The following TBX5 variants were observed in gnomAD, a reference collection of about 807,000 sequenced individuals.
TBX5 encodes T-box transcription factor TBX5.
In TBX5, 8 loss-of-function variants were observed where a neutral mutation model predicts 51.1. The observed-to-expected ratio is 0.16, with a 90% confidence interval of 0.09 to 0.28. The LOEUF (loss-of-function observed/expected upper bound fraction) is 0.28, where lower values mean the gene tolerates loss of function less well. Ranked by LOEUF, TBX5 falls within the 10% of genes least tolerant of loss-of-function variation. The probability of loss-of-function intolerance (pLI) is 1.00; values close to 1 mark genes in which losing one functional copy is unlikely to be tolerated. For missense variants in TBX5, 589 were observed against 671.7 expected (o/e 0.88, Z 1.36); for synonymous variants, 302 against 266.4 (o/e 1.13, Z -1.30).
In TBX5 at chr12:114,356,094, G is replaced by A. The variant is rs374446377; in HGVS notation, c.995C>T (p.Ser332Phe). The A allele has an allele frequency of 6.2e-7, 1 of 1,611,314 alleles. No individual in the cohort carries two copies. The highest frequency in any genetic ancestry group is 1.3e-5 in the African/African-American group (1 of 74,924). ...CTTCTTATAGGGATGGTCTGTGGTGGAACATTCTTCCTCTGTGAAGACAGG... is the reference window on the plus strand; with the variant it reads ...CTTCTTATAGGGATGGTCTGTGGTGAAACATTCTTCCTCTGTGAAGACAGG... ...HCTKRKEEEC[S>F]TTDHPYKKPY... is the part of the protein sequence containing the mutation. The change falls in exon 9 of 9, where the codon TCC (serine) becomes TTC (phenylalanine). Residue 332 changes from serine (S) to phenylalanine (F), a missense_variant. Ser to Phe is a radical substitution (Grantham distance 155). Coordinates refer to ENST00000405440, the MANE Select transcript of TBX5 (RefSeq NM_181486.4).
intron 6 of TBX5, among the ~76,000 whole-genome samples, chr12:114,386,390 T>A (rs967468762): frequency 3.3e-5 from 5 of 152,184 alleles, no homozygotes; most frequent in African/African-American, 1.2e-4. Context: ...CCAGAAGTAT[T>A]TCCTAAAAAT....
At chr12:114,370,076 G>A (rs547128822) in intron 7 of TBX5, among the ~76,000 whole-genome samples, 27 of 151,824 alleles carry the variant, frequency 1.8e-4, no homozygotes, top group Non-Finnish European at 3.1e-4. Context: ...TCAACATGAC[G>A]AAACCTTGTC....
At chr12:114,401,583 C>T (rs921874832) in intron 3 of TBX5, among the ~76,000 whole-genome samples, 17 of 152,132 alleles carry the variant, frequency 1.1e-4, no homozygotes, top group African/African-American at 3.9e-4. Flanking sequence ...GCCCAGTTTC[C>T]GGGCTTGAAC....
intron 2 of TBX5, among the ~76,000 whole-genome samples, chr12:114,403,108 C>T (rs1434113037): frequency 6.6e-6 from 1 of 152,252 alleles, no homozygotes; most frequent in African/African-American, 2.4e-5. Context: ...GAGGCTCCTC[C>T]CTCTGCCTGG....
intron 7 of TBX5, among the ~76,000 whole-genome samples, chr12:114,383,926 G>A (rs1269902659): frequency 6.6e-6 from 1 of 152,112 alleles, no homozygotes; most frequent in Non-Finnish European, 1.5e-5. Context: ...ACTTTGTGTG[G>A]CAATGACTAA....
rs556061631 is a variant in TBX5, at chr12:114,391,702, C to T, written c.663+3039G>A. Among the ~76,000 whole-genome samples the T allele has an allele frequency of 6.6e-5, 10 of 152,282 alleles. 1 individual carries two copies. Among genetic ancestry groups the T allele is most frequent in the Middle Eastern group, 6.8e-3 (2 of 294 alleles). ...CGATGGTGAGCTCAGCTGGCTTCTA[C>T]GCATGAAGTCAGAAGTCTCAACACC... On this transcript the variant is annotated intron_variant, in intron 6 of 8. Transcript: ENST00000405440.
chr12:114,394,293 TGACA>T (rs1361799781), intron 6 of TBX5, among the ~76,000 whole-genome samples: 2 of 152,064 alleles, frequency 1.3e-5, no homozygotes, highest in Non-Finnish European at 2.9e-5. Flanking sequence ...CCAGCCTGGG[TGACA>T]GACAGAGTGA....
At chr12:114,374,089 G>A (rs1870068555) in intron 7 of TBX5, among the ~76,000 whole-genome samples, 1 of 152,344 alleles carries the variant, frequency 6.6e-6, no homozygotes, top group East Asian at 1.9e-4. Flanking sequence ...GGACTTCCTG[G>A]TGACCTTCGC....
At chr12:114,405,056 G>T (rs1384505731) in intron 1 of TBX5, among the ~76,000 whole-genome samples, 1 of 152,208 alleles carries the variant, frequency 6.6e-6, no homozygotes, top group Non-Finnish European at 1.5e-5. Context: ...CCCCTAGAAC[G>T]GGAAGACTTT....
chr12:114,385,840 C>CTT lies in TBX5; in HGVS notation c.664-275_664-274dup, dbSNP rs35970834. 0.31 allele frequency among the ~76,000 whole-genome samples: 44,133 copies of CTT among 144,066 alleles called. 7,247 individuals are homozygous for CTT. Among genetic ancestry groups the CTT allele is most frequent in the Admixed American group, 0.39 (5,728 of 14,540 alleles). The allele number at this position is 144,066 out of a possible 152,430, so 94.5% of individuals were successfully genotyped here. A position where few individuals can be genotyped will look rare whatever the true frequency, so the allele number is the denominator to read the frequency against. The stretch of plus-strand genomic sequence containing the variant: ...TACTCTGCATCATTCCAGCTGGGTT[C>CTT]TTTTTTTTTTTTTTCCAATCTTGCA... On this transcript the variant is annotated intron_variant, in intron 6 of 8. Transcript: ENST00000405440.
chr12:114,401,656 C>T (rs945862624), intron 3 of TBX5, among the ~76,000 whole-genome samples, 170 bp downstream of exon 3: 2 of 152,166 alleles, frequency 1.3e-5, no homozygotes, highest in South Asian at 4.1e-4. Flanking sequence ...GCCTCTTTAA[C>T]CAGGATCTAT....
chr12:114,407,336 T>C (rs1872294241), upstream of TBX5, among the ~76,000 whole-genome samples: 1 of 152,188 alleles, frequency 6.6e-6, no homozygotes, highest in Admixed American at 6.5e-5. Context: ...CCAAGTCAGC[T>C]TGGAGGCCTT....
chr12:114,376,115 C>T (rs910458241), intron 7 of TBX5, among the ~76,000 whole-genome samples: 4 of 152,052 alleles, frequency 2.6e-5, no homozygotes, highest in Non-Finnish European at 5.9e-5. Context: ...GTATATCCCT[C>T]TTCTAGATAT....
upstream of TBX5, among the ~76,000 whole-genome samples, chr12:114,406,757 G>C (rs544455890): frequency 3.9e-5 from 6 of 152,154 alleles, no homozygotes; most frequent in South Asian, 1.0e-3. Context: ...GCAGTGCCCA[G>C]TTTTATTAAA....
intron 6 of TBX5, among the ~76,000 whole-genome samples, chr12:114,389,944 G>A (rs1471196300): frequency 6.6e-6 from 1 of 151,780 alleles, no homozygotes; most frequent in Non-Finnish European, 1.5e-5. Context: ...GCTCCACCAA[G>A]AACTCAGAAC....
At chr12:114,384,745 A>ACACACACACACACACACACAAC (rs10629159) in intron 7 of TBX5, among the ~76,000 whole-genome samples, 3 of 115,170 alleles carry the variant, frequency 2.6e-5, no homozygotes, top group South Asian at 2.7e-4. Context: ...ACACACACAC[A>ACACACACACACACACACACAAC]ACACACACAC....
intron 5 of TBX5, among the ~76,000 whole-genome samples, chr12:114,398,362 TGA>T (rs1242648536): frequency 2.0e-5 from 3 of 149,512 alleles, no homozygotes; most frequent in Admixed American, 6.7e-5. Context: ...GAGAAAGGAA[TGA>T]GAGAATTGAG....
chr12:114,366,197 T>C lies in TBX5; in HGVS notation c.950A>G (p.His317Arg), dbSNP rs1869524074. ...CTTGGTACAATGGTAAATTTGGCTA[T>C]GCTCCTGGGGCAGTGGGTATGGGTT... ...PPNPYPLPQE[H>R]SQIYHCTKRK... The change falls in exon 8 of 9, where the codon CAT (histidine) becomes CGT (arginine). Residue 317 changes from histidine to arginine, a missense_variant. His to Arg is a conservative substitution (Grantham distance 29, BLOSUM62 0). Transcript: ENST00000405440. 4 of 1,614,066 alleles carry C rather than the reference T, an allele frequency of 2.5e-6. No individual in the cohort carries two copies. The highest frequency in any genetic ancestry group is 2.7e-5 in the African/African-American group (2 of 74,906).
At chr12:114,398,428 A>G in intron 5 of TBX5, 145 bp downstream of exon 5, 3 of 1,153,032 alleles carry the variant, frequency 2.6e-6, no homozygotes, top group Non-Finnish European at 3.8e-6. Context: ...AGGTAGAGGC[A>G]GAAAGCGACG....
Sources: allele counts gnomAD v4.1 joint callset (sites outside exome capture counted in the v4.1 genomes callset), GRCh38; gene constraint gnomAD v4.1.1; transcripts MANE v1.5; gene names NCBI Gene and HGNC (gene_info 2026-07-23, HGNC 2026-07-21).